ROR1: variants seen among roughly 807,000 people sequenced by gnomAD.
ROR1 encodes the protein ROR family WNT receptor 1, also known as inactive tyrosine-protein kinase transmembrane receptor ROR1.
Under a neutral mutation model 78.8 loss-of-function variants are expected in ROR1, and 19 were observed. That is an observed-to-expected ratio of 0.24 (90% confidence interval 0.17 to 0.35). The LOEUF (loss-of-function observed/expected upper bound fraction) is 0.35, where lower values mean the gene tolerates loss of function less well. Ranked by LOEUF, ROR1 falls within the 10% of genes least tolerant of loss-of-function variation. ROR1 has a pLI of 1.00. For missense variants in ROR1, 917 were observed against 1,177.8 expected, an observed-to-expected ratio of 0.78 and a Z score of 3.24; for synonymous variants, 386 against 433.6, an observed-to-expected ratio of 0.89 and a Z score of 1.36.
chr1:63,870,313 A>G (rs557251426), intron 1 of ROR1, among the ~76,000 whole-genome samples: 9 of 152,312 alleles, frequency 5.9e-5, no homozygotes, highest in African/African-American at 1.9e-4. Context: ...GAGCATCTAG[A>G]GGAAGCTGCT....
chr1:63,974,478 T>C (rs1458034370), intron 1 of ROR1, among the ~76,000 whole-genome samples: 1 of 152,218 alleles, frequency 6.6e-6, no homozygotes, highest in Non-Finnish European at 1.5e-5. Flanking sequence ...CAGAGTCCCC[T>C]GTCACGCAGG....
intron 1 of ROR1, among the ~76,000 whole-genome samples, chr1:63,993,354 A>G (rs1336243796): frequency 2.0e-5 from 3 of 152,212 alleles, no homozygotes; most frequent in Admixed American, 2.0e-4. Context: ...CCCATTTTGC[A>G]CATGGTATAG....
intron 1 of ROR1, among the ~76,000 whole-genome samples, chr1:63,799,623 A>G (rs1445289922): frequency 1.3e-5 from 2 of 148,476 alleles, no homozygotes; most frequent in Non-Finnish European, 2.9e-5. Flanking sequence ...AGGAAAAAAA[A>G]CACCCATTTT....
chr1:64,134,954 G>T (rs12074647), intron 4 of ROR1, among the ~76,000 whole-genome samples: 34,658 of 151,850 alleles, frequency 0.23, 4,473 homozygotes, highest in African/African-American at 0.35. Context: ...TCACCATGTT[G>T]ACTAGGCTGG....
chr1:64,028,132 T>A (rs975412673), intron 2 of ROR1, among the ~76,000 whole-genome samples: 18 of 152,152 alleles, frequency 1.2e-4, no homozygotes, highest in Non-Finnish European at 7.4e-5. Flanking sequence ...TTAGATTTTT[T>A]AAAAAAATTC....
At chr1:63,813,921 C>T (rs937072253) in intron 1 of ROR1, among the ~76,000 whole-genome samples, 5 of 152,220 alleles carry the variant, frequency 3.3e-5, no homozygotes, top group African/African-American at 1.2e-4. Context: ...TTCAGTGAAA[C>T]TTTCACAGTC....
At chr1:63,948,518 C>T (rs189080764) in intron 1 of ROR1, among the ~76,000 whole-genome samples, 129 of 152,244 alleles carry the variant, frequency 8.5e-4, no homozygotes, top group Non-Finnish European at 1.5e-3. Flanking sequence ...ACCATATTCC[C>T]AGTACCAACC....
chr1:64,050,210 A>G lies in ROR1; in HGVS notation c.451+232A>G, dbSNP rs148008033. ...ACAGCAGAGCAGGAATGAGGTCCGG[A>G]TCTTTCTGACCTCAGAGCCCCTAAT... On this transcript the variant is annotated intron_variant, in intron 3 of 8. Coordinates refer to ENST00000371079, the MANE Select transcript of ROR1 (RefSeq NM_005012.4). Among the ~76,000 whole-genome samples the G allele has an allele frequency of 8.5e-5, 13 of 152,322 alleles. No homozygotes were observed. In the East Asian group the frequency reaches 2.3e-3, roughly 27 times the overall value.
intron 4 of ROR1, among the ~76,000 whole-genome samples, chr1:64,090,554 G>T (rs1282793455): frequency 6.6e-6 from 1 of 152,180 alleles, no homozygotes; most frequent in African/African-American, 2.4e-5. Flanking sequence ...CAGAGTACAG[G>T]GAAATGACCC....
intron 1 of ROR1, among the ~76,000 whole-genome samples, chr1:63,846,157 T>C (rs1208696589): frequency 4.3e-5 from 5 of 115,156 alleles, no homozygotes; most frequent in African/African-American, 1.6e-4. Context: ...TGTGTGTGTG[T>C]GTGTGTGTGT....
intron 4 of ROR1, among the ~76,000 whole-genome samples, chr1:64,066,175 A>G (rs141851543): frequency 4.2e-4 from 64 of 152,284 alleles, no homozygotes; most frequent in African/African-American, 1.3e-3. Flanking sequence ...TAGCTGTCCT[A>G]TGTGCTTACA....
intron 4 of ROR1, among the ~76,000 whole-genome samples, chr1:64,132,753 T>C (rs1433345291): frequency 2.3e-5 from 2 of 86,482 alleles, no homozygotes; most frequent in Non-Finnish European, 4.0e-5. Context: ...GGAGCGAGAC[T>C]CCATCTCAAA....
At position 63,878,830 on chromosome 1, in the gene ROR1, T is replaced by C. The variant is rs114822673; in HGVS notation, c.91+104322T>C. On this transcript the variant is annotated intron_variant, in intron 1 of 8. Transcript: ENST00000371079. ...TAGTTATGTACTTATTTCTTGCCAG[T>C]CTCCCTCACAAGGCTGCAAACTTCA... 4.9e-3 allele frequency among the ~76,000 whole-genome samples: 749 copies of C among 152,198 alleles called. 6 individuals carry two copies. The highest frequency in any genetic ancestry group is 8.7e-3 in the Non-Finnish European group (595 of 68,012).
intron 1 of ROR1, among the ~76,000 whole-genome samples, chr1:63,806,316 A>AATTTTTT (rs1553133293): frequency 1.1e-5 from 1 of 87,264 alleles, no homozygotes. Context: ...CTGTCAGACT[A>AATTTTTT]TTTTTTTTTT....
chr1:63,975,189 C>G (rs1347818818), intron 1 of ROR1, among the ~76,000 whole-genome samples: 1 of 152,130 alleles, frequency 6.6e-6, no homozygotes. Context: ...AACCAAATGG[C>G]TGGCAGAAGG....
intron 4 of ROR1, among the ~76,000 whole-genome samples, chr1:64,132,714 C>G (rs1390703367): frequency 7.3e-6 from 1 of 136,914 alleles, no homozygotes; most frequent in South Asian, 2.4e-4. Context: ...GAGCTGAGAT[C>G]GCGCCACTGC....
chr1:64,022,307 T>C (rs1646571358), intron 2 of ROR1, among the ~76,000 whole-genome samples: 1 of 152,222 alleles, frequency 6.6e-6, no homozygotes, highest in African/African-American at 2.4e-5. Context: ...TGTTTTCCAA[T>C]TAGATAGAAA....
chr1:63,939,449 A>G (rs1332332392), intron 1 of ROR1, among the ~76,000 whole-genome samples: 1 of 152,220 alleles, frequency 6.6e-6, no homozygotes, highest in Admixed American at 6.5e-5. Flanking sequence ...TGAAATCTAG[A>G]GAAACAAAAC....
chr1:63,935,178 C>G (rs1448500452), intron 1 of ROR1, among the ~76,000 whole-genome samples: 1 of 152,066 alleles, frequency 6.6e-6, no homozygotes, highest in Non-Finnish European at 1.5e-5. Flanking sequence ...GAAACAAAAA[C>G]TAATGTCCCT....
Sources: gnomAD v4.1 joint callset for allele counts (sites outside exome capture counted in the v4.1 genomes callset) on GRCh38, gnomAD v4.1.1 for gene constraint, MANE v1.5 for transcripts, NCBI Gene and HGNC (gene_info 2026-07-23, HGNC 2026-07-21) for gene names.